MTUS2: variants seen among roughly 807,000 people sequenced by gnomAD.
MTUS2 encodes microtubule associated scaffold protein 2.
In MTUS2, 40 loss-of-function variants were observed where a neutral mutation model predicts 114.1. The observed-to-expected ratio is 0.35, with a 90% confidence interval of 0.27 to 0.46. The LOEUF (loss-of-function observed/expected upper bound fraction) is 0.46, where lower values mean the gene tolerates loss of function less well. Ranked by LOEUF, MTUS2 falls within the 20% of genes least tolerant of loss-of-function variation. The probability of loss-of-function intolerance (pLI) is 1.00; values close to 1 mark genes in which losing one functional copy is unlikely to be tolerated. For synonymous variants in MTUS2, 688 were observed against 672.0 expected (o/e 1.02, Z -0.37); for missense variants, 1,679 against 1,705.4 (o/e 0.98, Z 0.27).
rs1334046176 is a variant in MTUS2, at chr13:28,993,127, C to G, written c.-242-31330C>G. Among the ~76,000 whole-genome samples, 3 of 152,050 alleles carry G rather than the reference C, an allele frequency of 2.0e-5. No individual in the cohort carries two copies. In the East Asian group the frequency reaches 5.8e-4, roughly 29 times the overall value. On this transcript the variant is annotated intron_variant, in intron 2 of 15. Transcript: ENST00000612955. ...TATGTATATATCACATTTGTTTATC[C>G]ATTTATCCATAGGGGGATATTTGGG... is the stretch of plus-strand genomic sequence containing the variant.
intron 8 of MTUS2, among the ~76,000 whole-genome samples, chr13:29,406,559 A>G (rs988624223): frequency 6.6e-6 from 1 of 152,144 alleles, no homozygotes; most frequent in Non-Finnish European, 1.5e-5. Flanking sequence ...GATGGAAGCT[A>G]CAAGTCTTTT....
At chr13:29,257,297 A>G (rs1380480183) in intron 5 of MTUS2, among the ~76,000 whole-genome samples, 2 of 152,188 alleles carry the variant, frequency 1.3e-5, no homozygotes, top group African/African-American at 4.8e-5. Context: ...ATGCCACCAC[A>G]TGGGGTGTGG....
chr13:28,911,366 A>T (rs368810799), intron 2 of MTUS2, among the ~76,000 whole-genome samples: 26 of 148,590 alleles, frequency 1.7e-4, no homozygotes, highest in African/African-American at 6.2e-4. Context: ...AGTAGAGACC[A>T]GGTTTCACCA....
At chr13:29,319,000 T>C (rs1482469306) in intron 6 of MTUS2, among the ~76,000 whole-genome samples, 1 of 152,180 alleles carries the variant, frequency 6.6e-6, no homozygotes, top group Non-Finnish European at 1.5e-5. Context: ...TCCTGCTGCC[T>C]TCTTCCTTCC....
intron 2 of MTUS2, among the ~76,000 whole-genome samples, chr13:28,853,256 A>T (rs938603651): frequency 6.6e-6 from 1 of 152,210 alleles, no homozygotes; most frequent in African/African-American, 2.4e-5. Flanking sequence ...CACTGATGAT[A>T]TATTTGTTAA....
chr13:28,955,528 G>A (rs1430308237), intron 2 of MTUS2, among the ~76,000 whole-genome samples: 1 of 152,202 alleles, frequency 6.6e-6, no homozygotes. Flanking sequence ...GAGGGGCTCA[G>A]TGTGACCCAT....
Position 29,061,083 on chromosome 13 carries a change from G to A in MTUS2, c.2446+26958G>A, listed in dbSNP as rs143287349. ...TGGGATTACCGACGTGAGCCACTGCGCCCAGCCATGTTTCTTCTTATTTCT... is the reference window on the plus strand; with the variant it reads ...TGGGATTACCGACGTGAGCCACTGCACCCAGCCATGTTTCTTCTTATTTCT... On this transcript the variant is annotated intron_variant, in intron 4 of 15. Coordinates refer to ENST00000612955, the MANE Select transcript of MTUS2 (RefSeq NM_001033602.4). Among the ~76,000 whole-genome samples the A allele has an allele frequency of 4.8e-3, 737 of 152,128 alleles. 3 individuals are homozygous for A. Among genetic ancestry groups the A allele is most frequent in the Non-Finnish European group, 6.7e-3 (456 of 67,992 alleles).
intron 8 of MTUS2, among the ~76,000 whole-genome samples, chr13:29,432,217 G>A (rs1007826431): frequency 6.6e-6 from 1 of 152,116 alleles, no homozygotes; most frequent in Admixed American, 6.5e-5. Context: ...CTTTTGAGCA[G>A]AGATGCAGTC....
At chr13:29,285,720 C>T (rs1898453176) in intron 6 of MTUS2, among the ~76,000 whole-genome samples, 1 of 152,070 alleles carries the variant, frequency 6.6e-6, no homozygotes, top group South Asian at 2.1e-4. Context: ...CAAATAAAAA[C>T]CAAACATCTT....
Position 29,389,356 on chromosome 13 carries a change from T to C in MTUS2, c.3117+29883T>C, listed in dbSNP as rs1480995074. Reference sequence around the variant, plus strand: ...ATATATGTATGCACGTGTGTGTATATATGTATGCACGTGTGTGTATATATG... The same window carrying C: ...ATATATGTATGCACGTGTGTGTATACATGTATGCACGTGTGTGTATATATG... On this transcript the variant is annotated intron_variant, in intron 8 of 15. Transcript: ENST00000612955. 5.3e-5 allele frequency among the ~76,000 whole-genome samples: 4 copies of C among 75,788 alleles called. 2 individuals carry two copies. Among genetic ancestry groups the C allele is most frequent in the Non-Finnish European group, 1.1e-4 (4 of 35,694 alleles). 49.7% of individuals were successfully genotyped at this position (75,788 alleles called of 152,430 possible). A position where few individuals can be genotyped will look rare whatever the true frequency, so the allele number is the denominator to read the frequency against.
At chr13:29,027,962 G>A (rs761245685) in intron 3 of MTUS2, among the ~76,000 whole-genome samples, 31 of 152,250 alleles carry the variant, frequency 2.0e-4, no homozygotes, top group Admixed American at 1.5e-3. Context: ...ACTGCACTGT[G>A]CTGTCCTTTT....
chr13:29,194,460 A>G (rs972632813), intron 5 of MTUS2, among the ~76,000 whole-genome samples: 2 of 152,130 alleles, frequency 1.3e-5, no homozygotes, highest in African/African-American at 4.8e-5. Context: ...TTCTCAAAAG[A>G]AGACATTTTT....
intron 4 of MTUS2, among the ~76,000 whole-genome samples, chr13:29,080,631 C>T (rs890341566): frequency 1.3e-5 from 2 of 152,224 alleles, no homozygotes; most frequent in Non-Finnish European, 1.5e-5. Context: ...TGCTTTTAAT[C>T]TGGCTGCACT....
At chr13:29,333,840 C>A (rs1900918018) in intron 7 of MTUS2, among the ~76,000 whole-genome samples, 1 of 152,124 alleles carries the variant, frequency 6.6e-6, no homozygotes, top group Non-Finnish European at 1.5e-5. Flanking sequence ...TTGTAGGTCT[C>A]TAAGAACTTA....
At chr13:28,996,878 G>T (rs907773800) in intron 2 of MTUS2, among the ~76,000 whole-genome samples, 1 of 151,984 alleles carries the variant, frequency 6.6e-6, no homozygotes, top group East Asian at 1.9e-4. Context: ...TTTTTGAAGG[G>T]ATTTTTGTGT....
In MTUS2 at chr13:29,238,708, A is replaced by C. The variant is rs147912704; in HGVS notation, c.2645-42996A>C. 2.6e-3 allele frequency among the ~76,000 whole-genome samples: 395 copies of C among 152,304 alleles called. 2 individuals are homozygous for C. Among genetic ancestry groups the C allele is most frequent in the African/African-American group, 9.3e-3 (385 of 41,576 alleles). On this transcript the variant is annotated intron_variant, in intron 5 of 15. Coordinates refer to ENST00000612955, the MANE Select transcript of MTUS2 (RefSeq NM_001033602.4). The stretch of plus-strand genomic sequence containing the variant: ...TGCCTCTCCTAGTCCACTGATTCAA[A>C]TGTTAATCTCCTTTGGCAACACCCT...
chr13:29,304,400 A>T (rs1179955258), intron 6 of MTUS2, among the ~76,000 whole-genome samples: 1 of 49,020 alleles, frequency 2.0e-5, no homozygotes, highest in Non-Finnish European at 5.9e-5. Context: ...GACCCATCTC[A>T]CATGAAAGAC....
At chr13:28,972,757 AT>A (rs549604405) in intron 2 of MTUS2, among the ~76,000 whole-genome samples, 12 of 152,246 alleles carry the variant, frequency 7.9e-5, no homozygotes, top group South Asian at 4.1e-4. Context: ...TTACTTAACA[AT>A]TTTTGTTTTG....
At chr13:29,267,575 T>C (rs2139487650) in intron 5 of MTUS2, among the ~76,000 whole-genome samples, 1 of 152,318 alleles carries the variant, frequency 6.6e-6, no homozygotes, top group South Asian at 2.1e-4. Context: ...ATTGAATAAG[T>C]AAACATGTAG....
Sources: allele counts gnomAD v4.1 joint callset (sites outside exome capture counted in the v4.1 genomes callset), GRCh38; gene constraint gnomAD v4.1.1; transcripts MANE v1.5; gene names NCBI Gene and HGNC (gene_info 2026-07-23, HGNC 2026-07-21).